The following NMBR variants were observed in gnomAD, a reference collection of about 807,000 sequenced individuals.
The protein encoded by NMBR is neuromedin-B receptor.
NMBR carries 16 observed loss-of-function variants against 20.5 expected under a neutral mutation model. That is an observed-to-expected ratio of 0.78 (90% CI 0.53 to 1.19). NMBR has a LOEUF of 1.19. Among genes scored for constraint, NMBR ranks in the 50% most tolerant of loss-of-function variants. The pLI, the probability that NMBR is intolerant of heterozygous loss-of-function variation, is 0.00. For synonymous variants in NMBR, 212 were observed against 196.6 expected, an observed-to-expected ratio of 1.08 and a Z score of -0.65; for missense variants, 582 against 499.1, an observed-to-expected ratio of 1.17 and a Z score of -1.58.
At chr6:142,104,857 C>G (rs543731316) in intron 1 of NMBR, among the ~76,000 whole-genome samples, 1 of 152,314 alleles carries the variant, frequency 6.6e-6, no homozygotes, top group African/African-American at 2.4e-5. Context: ...GCTTTTTAAT[C>G]ACCTGGGTGA....
intron 2 of NMBR, among the ~76,000 whole-genome samples, chr6:142,080,063 G>A (rs1396097313): frequency 2.0e-5 from 3 of 152,122 alleles, no homozygotes; most frequent in Non-Finnish European, 4.4e-5. Context: ...ATTTTAGTTA[G>A]ACAAATCTGA....
At chr6:142,145,877 GCTTTAAAGTTGAT>G (rs1261989352) in intron 1 of NMBR, among the ~76,000 whole-genome samples, 1 of 152,124 alleles carries the variant, frequency 6.6e-6, no homozygotes, top group Non-Finnish European at 1.5e-5. Context: ...CCTGGAGTGG[GCTTTAAAGTTGAT>G]CTTTAAGGGC....
chr6:142,087,263 T>A (rs1454494891), intron 2 of NMBR, among the ~76,000 whole-genome samples: 1 of 152,184 alleles, frequency 6.6e-6, no homozygotes, highest in Admixed American at 6.5e-5. Context: ...ATATGTAAAT[T>A]AAAGAGGAGA....
chr6:142,115,441 C>T lies in NMBR; in HGVS notation c.-663-26120G>A, dbSNP rs995533859. ...TGGGAGATCGGACTAGAAAGGCCAA[C>T]GTGTGGAACACTCAGAATGCTAAGT... On this transcript the variant is annotated intron_variant, in intron 1 of 3. Transcript: ENST00000258042. Among the ~76,000 whole-genome samples the T allele has an allele frequency of 5.3e-5, 8 of 151,952 alleles. No homozygotes were observed. In the East Asian group the frequency reaches 5.8e-4, roughly 11 times the overall value.
chr6:142,129,987 T>C (rs1040862079), intron 1 of NMBR, among the ~76,000 whole-genome samples: 1 of 152,138 alleles, frequency 6.6e-6, no homozygotes, highest in African/African-American at 2.4e-5. Flanking sequence ...GCCATTCATT[T>C]ATATGGGGTT....
rs557533933 is a variant in NMBR, at chr6:142,140,499, G to C, written c.-664+6545C>G. ...AAAGGTGGCAGGAAAGGAAAAAAGAGAACAAAAGCAGGTGAAACAAATAGA... is the reference window on the plus strand; with the variant it reads ...AAAGGTGGCAGGAAAGGAAAAAAGACAACAAAAGCAGGTGAAACAAATAGA... On this transcript the variant is annotated intron_variant, in intron 1 of 3. Transcript: ENST00000258042. 1.1e-3 allele frequency among the ~76,000 whole-genome samples: 165 copies of C among 152,046 alleles called. 2 individuals carry two copies. Among genetic ancestry groups the C allele is most frequent in the Non-Finnish European group, 1.8e-3 (124 of 67,932 alleles).
chr6:142,125,675 C>T (rs1778021133), intron 1 of NMBR, among the ~76,000 whole-genome samples: 1 of 151,826 alleles, frequency 6.6e-6, no homozygotes, highest in African/African-American at 2.4e-5. Flanking sequence ...TAGAACAGCA[C>T]AGCTCTAAAG....
At chr6:142,110,401 T>C (rs1316614395) in intron 1 of NMBR, among the ~76,000 whole-genome samples, 1 of 152,132 alleles carries the variant, frequency 6.6e-6, no homozygotes, top group Non-Finnish European at 1.5e-5. Context: ...TAAAAAAGAA[T>C]CAATAAGCAA....
intron 1 of NMBR, chr6:142,133,836 TA>T: frequency 1.6e-6 from 1 of 644,948 alleles, no homozygotes; most frequent in South Asian, 1.7e-5. Flanking sequence ...TTTTTTCTCC[TA>T]AAACCATAAC....
intron 1 of NMBR, among the ~76,000 whole-genome samples, chr6:142,094,969 A>C (rs529002926): frequency 4.7e-4 from 71 of 152,296 alleles, no homozygotes; most frequent in Non-Finnish European, 8.7e-4. Flanking sequence ...TTATTGGTGT[A>C]TAAGAATGCT....
Position 142,088,459 on chromosome 6 carries a change from A to G in NMBR, c.200T>C (p.Ile67Thr). 3.1e-6 allele frequency: 5 copies of G among 1,614,040 alleles called. No homozygotes were observed. Among genetic ancestry groups the G allele is most frequent in the Non-Finnish European group, 4.2e-6 (5 of 1,179,992 alleles). ...GLLGNIMLVK[I>T]FITNSAMRSV... The stretch of plus-strand genomic sequence containing the variant: ...CCTCATGGCGCTGTTGGTGATGAAG[A>G]TCTTCACCAGCATGATGTTGCCCAG... The change falls in exon 2 of 4, where the codon ATC becomes ACC. Residue 67 changes from isoleucine (I) to threonine (T), a missense_variant. Transcript: ENST00000258042.
At chr6:142,091,556 A>T (rs1052923168) in intron 1 of NMBR, among the ~76,000 whole-genome samples, 12 of 152,150 alleles carry the variant, frequency 7.9e-5, no homozygotes, top group Non-Finnish European at 1.8e-4. Context: ...TCAATATGTC[A>T]TATACCATAT....
intron 1 of NMBR, among the ~76,000 whole-genome samples, chr6:142,100,650 A>C (rs1777542917): frequency 6.6e-6 from 1 of 152,198 alleles, no homozygotes; most frequent in Non-Finnish European, 1.5e-5. Context: ...GTGGGTTCAC[A>C]CCCAGAGAAT....
At chr6:142,118,085 G>A (rs1229939535) in intron 1 of NMBR, among the ~76,000 whole-genome samples, 1 of 151,804 alleles carries the variant, frequency 6.6e-6, no homozygotes, top group Non-Finnish European at 1.5e-5. Context: ...AAAGAAAACT[G>A]GGCATGCACA....
intron 1 of NMBR, among the ~76,000 whole-genome samples, chr6:142,122,017 T>C (rs1777951676): frequency 6.6e-6 from 1 of 151,934 alleles, no homozygotes; most frequent in Non-Finnish European, 1.5e-5. Context: ...ACTCCCCACA[T>C]GCCTCTCATT....
At chr6:142,140,507 G>A (rs225616) in intron 1 of NMBR, among the ~76,000 whole-genome samples, 80,630 of 151,752 alleles carry the variant, frequency 0.53, 21,628 homozygotes, top group Middle Eastern at 0.59. Flanking sequence ...GAGAACAAAA[G>A]CAGGTGAAAC....
chr6:142,088,415 T>C lies in NMBR; in HGVS notation c.244A>G (p.Ile82Val), dbSNP rs368237153. 16 of 1,613,474 alleles carry C rather than the reference T, an allele frequency of 9.9e-6. No homozygotes were observed. The highest frequency in any genetic ancestry group is 1.3e-5 in the Non-Finnish European group (15 of 1,179,908). Reference sequence around the variant, plus strand: ...AAGTCCCCGGCCGCCAGGTTAGAGATGAAGATGTTGGGGACGCTCCTCATG... The same window carrying C: ...AAGTCCCCGGCCGCCAGGTTAGAGACGAAGATGTTGGGGACGCTCCTCATG... ...SAMRSVPNIFISNLAAGDLLL... is the reference protein window; with the variant it reads ...SAMRSVPNIFVSNLAAGDLLL... The change falls in exon 2 of 4, where the codon ATC (isoleucine) becomes GTC (valine). Residue 82 changes from isoleucine to valine, a missense_variant. Transcript: ENST00000258042.
intron 1 of NMBR, chr6:142,135,067 G>A: frequency 2.6e-6 from 1 of 391,140 alleles, no homozygotes. Context: ...TGGTTGTAAG[G>A]TAAGGATTCT....
At chr6:142,130,992 C>T (rs369169405) in intron 1 of NMBR, among the ~76,000 whole-genome samples, 2 of 152,118 alleles carry the variant, frequency 1.3e-5, no homozygotes, top group East Asian at 1.9e-4. Flanking sequence ...TTGTTATGGA[C>T]CAGTGACCGT....
Sources: allele counts gnomAD v4.1 joint callset (sites outside exome capture counted in the v4.1 genomes callset), GRCh38; gene constraint gnomAD v4.1.1; transcripts MANE v1.5; gene names NCBI Gene and HGNC (gene_info 2026-07-23, HGNC 2026-07-21).